Variants in FBLN7 observed in about 807,000 individuals in gnomAD.
The protein encoded by FBLN7 is fibulin-7.
FBLN7 carries 31 observed loss-of-function variants against 44.0 expected under a neutral mutation model. The ratio of observed to expected loss-of-function variants is 0.70; its 90% CI spans 0.53 to 0.95. FBLN7 has a LOEUF of 0.95. Ranked by LOEUF, FBLN7 falls within the 40% of genes least tolerant of loss-of-function variation. FBLN7 has a pLI of 0.00. For synonymous variants in FBLN7, 262 were observed against 253.4 expected (o/e 1.03, Z -0.32); for missense variants, 573 against 618.5 (o/e 0.93, Z 0.78).
At chr2:112,152,157 T>C (rs1573772098) in intron 1 of FBLN7, 1 of 152,398 alleles carries the variant, frequency 6.6e-6, no homozygotes, top group Admixed American at 6.5e-5. Flanking sequence ...AGTCCGGCCA[T>C]CTTGTCACAC....
chr2:112,169,347 C>T lies in FBLN7; in HGVS notation c.406+4176C>T, dbSNP rs569794749. On this transcript the variant is annotated intron_variant, in intron 3 of 7. Coordinates refer to ENST00000331203, the MANE Select transcript of FBLN7 (RefSeq NM_153214.3). ...CAGGCGTAGGTGGACTCCAGAACTC[C>T]AGAGTGGAAAGCAGCCACTTGGCTT... Among the ~76,000 whole-genome samples the T allele has an allele frequency of 6.6e-5, 10 of 152,264 alleles. No individual in the cohort carries two copies. In the East Asian group the frequency reaches 1.9e-3, roughly 29 times the overall value.
chr2:112,220,040 G>A, the FBLN7 span, among the ~76,000 whole-genome samples: 4 of 152,138 alleles, frequency 2.6e-5, no homozygotes, highest in Non-Finnish European at 4.4e-5. Context: ...GCCTAAGGGC[G>A]TCATTGCATG....
intron 2 of FBLN7, among the ~76,000 whole-genome samples, chr2:112,160,764 GCACA>G (rs201436603): frequency 1.0e-4 from 4 of 38,100 alleles, no homozygotes; most frequent in Non-Finnish European, 2.1e-4. Flanking sequence ...ACACACGCAC[GCACA>G]CGCAGACGCA....
Position 112,187,343 on chromosome 2 carries a change from T to C in FBLN7, c.1157T>C (p.Met386Thr). 6 of 1,614,158 alleles carry C rather than the reference T, an allele frequency of 3.7e-6. No homozygotes were observed. The highest frequency in any genetic ancestry group is 5.1e-6 in the Non-Finnish European group (6 of 1,180,040). Residue 386 changes from methionine to threonine, a missense_variant, in exon 8 of 8, where the codon ATG becomes ACG. Met to Thr is a moderately conservative substitution (Grantham distance 81). Coordinates refer to ENST00000331203, the MANE Select transcript of FBLN7 (RefSeq NM_153214.3). The surrounding 1 kb of genome is among the most constrained non-coding windows in gnomAD (Gnocchi z 5.1). ...GGGAACAGCCGCGGCCACTTTGTGA[T>C]GCAGCGTTCAGACCGGCAGACTGGG... ...VGGNSRGHFV[M>T]QRSDRQTGDL...
chr2:112,236,682 T>G, the FBLN7 span: 6 of 1,609,974 alleles, frequency 3.7e-6, no homozygotes, highest in East Asian at 1.3e-4. Context: ...GATTTTTATT[T>G]TTTTGTTTAG....
chr2:112,176,031 G>A, intron 4 of FBLN7, 192 bp downstream of exon 4: 2 of 536,116 alleles, frequency 3.7e-6, no homozygotes, highest in South Asian at 9.0e-5. Context: ...TTAGCTCTTT[G>A]ATGCAACCAG....
At chr2:112,239,687 C>A in the FBLN7 span, among the ~76,000 whole-genome samples, 1 of 148,234 alleles carries the variant, frequency 6.7e-6, no homozygotes, top group Non-Finnish European at 1.5e-5. Flanking sequence ...CAGGCTCAAG[C>A]GATTCCCTTG....
intron 1 of FBLN7, among the ~76,000 whole-genome samples, chr2:112,142,631 A>C (rs1680702231): frequency 6.6e-6 from 1 of 152,174 alleles, no homozygotes; most frequent in South Asian, 2.1e-4. Context: ...AACTCCAAGG[A>C]GCTCTAGATG....
At chr2:112,168,289 T>C (rs1423692807) in intron 3 of FBLN7, among the ~76,000 whole-genome samples, 1 of 152,224 alleles carries the variant, frequency 6.6e-6, no homozygotes, top group South Asian at 2.1e-4. Context: ...TCAGACAGCA[T>C]GTGCTATCAA....
the FBLN7 span, among the ~76,000 whole-genome samples, chr2:112,239,577 TAC>T: frequency 7.0e-6 from 1 of 142,820 alleles, no homozygotes; most frequent in Non-Finnish European, 1.5e-5. Flanking sequence ...TTTAACAGTT[TAC>T]TTTTTTTTTT....
the FBLN7 span, among the ~76,000 whole-genome samples, chr2:112,223,169 A>T: frequency 6.6e-6 from 1 of 152,162 alleles, no homozygotes; most frequent in Admixed American, 6.6e-5. Context: ...ATGACGAGTT[A>T]ACAGGTGCAG....
At chr2:112,193,439 C>CA in the FBLN7 span, among the ~76,000 whole-genome samples, 1 of 151,308 alleles carries the variant, frequency 6.6e-6, no homozygotes, top group African/African-American at 2.4e-5. Context: ...GACTCTGTCT[C>CA]AAAAAAAACC....
At chr2:112,222,180 G>A in the FBLN7 span, among the ~76,000 whole-genome samples, 2 of 152,282 alleles carry the variant, frequency 1.3e-5, no homozygotes, top group Non-Finnish European at 2.9e-5. Context: ...CTTTTGTTGA[G>A]TGTTCTTGTC....
At chr2:112,232,034 A>C in the FBLN7 span, 6 of 759,236 alleles carry the variant, frequency 7.9e-6, no homozygotes, top group Non-Finnish European at 1.2e-5. Flanking sequence ...CTAAATAAAG[A>C]CCTCTGTGGC....
In FBLN7 at chr2:112,159,791, C is replaced by T. The variant is rs535723657; in HGVS notation, c.191C>T (p.Ala64Val). The stretch of plus-strand genomic sequence containing the variant: ...CGCCACATGAAGAGCCGGCTGGCCG[C>T]GCTGCAGAACTCTGTGGGCAGGGTG... ...GIRHMKSRLA[A>V]LQNSVGRVGP... is the part of the protein sequence containing the mutation. The change falls in exon 2 of 8, where the codon GCG becomes GTG. Residue 64 changes from alanine to valine, a missense_variant. Transcript: ENST00000331203. The T allele has an allele frequency of 4.7e-5, 75 of 1,592,842 alleles. No individual in the cohort carries two copies. In the South Asian group the frequency reaches 6.5e-4, roughly 14 times the overall value.
At chr2:112,231,943 T>C in the FBLN7 span, 1 of 1,532,044 alleles carries the variant, frequency 6.5e-7, no homozygotes, top group Non-Finnish European at 8.9e-7. Flanking sequence ...TACAAGGATA[T>C]TCATGTAACC....
the FBLN7 span, among the ~76,000 whole-genome samples, chr2:112,199,533 T>C: frequency 1.4e-4 from 22 of 152,298 alleles, no homozygotes; most frequent in South Asian, 4.6e-3. Flanking sequence ...GTACTGACTC[T>C]TCCAGAAACT....
intron 1 of FBLN7, among the ~76,000 whole-genome samples, chr2:112,140,574 G>A (rs1230875934): frequency 6.6e-6 from 1 of 152,230 alleles, no homozygotes; most frequent in Admixed American, 6.5e-5. Flanking sequence ...CATTGTGGGC[G>A]AGGACTCCAC....
At chr2:112,175,946 C>A in intron 4 of FBLN7, 107 bp downstream of exon 4, 2 of 1,371,994 alleles carry the variant, frequency 1.5e-6, no homozygotes, top group South Asian at 3.0e-5. Context: ...GTCCCCCACT[C>A]AAAGATGTAG....
Sources: allele counts gnomAD v4.1 joint callset (sites outside exome capture counted in the v4.1 genomes callset), GRCh38; gene constraint gnomAD v4.1.1; non-coding constraint Gnocchi (gnomAD v3.1); transcripts MANE v1.5; gene names NCBI Gene and HGNC (gene_info 2026-07-23, HGNC 2026-07-21).